PMFBP1: variants seen among roughly 807,000 people sequenced by gnomAD.
The protein encoded by PMFBP1 is polyamine-modulated factor 1-binding protein 1.
PMFBP1 carries 131 observed loss-of-function variants against 137.8 expected under a neutral mutation model. The observed-to-expected ratio is 0.95, with a 90% CI of 0.82 to 1.10. The LOEUF (loss-of-function observed/expected upper bound fraction) is 1.10. PMFBP1 is among the 50% of genes least tolerant of loss of function. The pLI, the probability that PMFBP1 is intolerant of heterozygous loss-of-function variation, is 0.00. For synonymous variants in PMFBP1, 490 were observed against 450.4 expected (o/e 1.09, Z -1.11); for missense variants, 1,199 against 1,175.4 (o/e 1.02, Z -0.29).
chr16:72,198,039 A>C, the PMFBP1 span, among the ~76,000 whole-genome samples: 1 of 152,064 alleles, frequency 6.6e-6, no homozygotes, highest in Non-Finnish European at 1.5e-5. Flanking sequence ...TTTGTTTTCT[A>C]TCCCTGAAAG....
chr16:72,238,303 C>T, the PMFBP1 span, among the ~76,000 whole-genome samples: 2 of 152,186 alleles, frequency 1.3e-5, no homozygotes, highest in African/African-American at 4.8e-5. Context: ...CACAACCTTG[C>T]CAGCATCTGT....
Position 72,122,954 on chromosome 16 carries a change from C to G in PMFBP1, c.2728G>C (p.Glu910Gln). The change falls in exon 19 of 21, where the codon GAG becomes CAG. Residue 910 changes from glutamate (E) to glutamine (Q), a missense_variant. By Grantham distance (29) the Glu-to-Gln change is conservative (BLOSUM62 2). Coordinates refer to ENST00000237353, the MANE Select transcript of PMFBP1 (RefSeq NM_031293.3). ...ANEKLGNQLREQVKYIAKLSG... is the reference protein window; with the variant it reads ...ANEKLGNQLRQQVKYIAKLSG... ...AGCTTGGCAATGTATTTCACCTGCTCTCGGAGCTGGTTTCCTAGTTTCTCA... is the reference window on the plus strand; with the variant it reads ...AGCTTGGCAATGTATTTCACCTGCTGTCGGAGCTGGTTTCCTAGTTTCTCA... The G allele has an allele frequency of 6.2e-7, 1 of 1,613,458 alleles. No individual in the cohort carries two copies. Among genetic ancestry groups the G allele is most frequent in the South Asian group, 1.1e-5 (1 of 91,054 alleles).
At chr16:72,242,732 T>C in the PMFBP1 span, among the ~76,000 whole-genome samples, 2 of 152,244 alleles carry the variant, frequency 1.3e-5, no homozygotes, top group Non-Finnish European at 2.9e-5. Context: ...AAATGCGTGA[T>C]GGATGAAAGG....
At chr16:72,249,208 T>A in the PMFBP1 span, among the ~76,000 whole-genome samples, 2 of 152,194 alleles carry the variant, frequency 1.3e-5, no homozygotes, top group Admixed American at 1.3e-4. Context: ...CATTTCAGTG[T>A]CTTCCAGCTG....
At chr16:72,213,057 G>C in the PMFBP1 span, among the ~76,000 whole-genome samples, 1 of 152,154 alleles carries the variant, frequency 6.6e-6, no homozygotes, top group Non-Finnish European at 1.5e-5. Context: ...GACAGCACTT[G>C]CTACAGATGT....
At chr16:72,199,619 A>G in the PMFBP1 span, among the ~76,000 whole-genome samples, 1 of 137,710 alleles carries the variant, frequency 7.3e-6, no homozygotes, top group African/African-American at 2.7e-5. Context: ...ATGCCATTGC[A>G]CTCCAGCCTG....
At chr16:72,232,291 A>G in the PMFBP1 span, among the ~76,000 whole-genome samples, 2 of 152,186 alleles carry the variant, frequency 1.3e-5, no homozygotes, top group Non-Finnish European at 1.5e-5. Flanking sequence ...TGAACAATAA[A>G]TATCTGTCAA....
Position 72,136,857 on chromosome 16 carries a change from GA to G in PMFBP1, c.919-39del, listed in dbSNP as rs770451302. Reference sequence around the variant, plus strand: ...AGAACAGGGCAGGATGAGGAGATGAGAGACAATGGAGAGTGCTTTCTAAAAT... The same window carrying G: ...AGAACAGGGCAGGATGAGGAGATGAGGACAATGGAGAGTGCTTTCTAAAAT... On this transcript the variant is annotated intron_variant, in intron 7 of 20. Coordinates refer to ENST00000237353, the MANE Select transcript of PMFBP1 (RefSeq NM_031293.3). 7.4e-6 allele frequency: 12 copies of G among 1,612,384 alleles called. No homozygotes were observed. The East Asian group carries it at 2.7e-4, about 36-fold the overall frequency.
the PMFBP1 span, among the ~76,000 whole-genome samples, chr16:72,236,426 A>C: frequency 6.6e-6 from 1 of 152,232 alleles, no homozygotes; most frequent in African/African-American, 2.4e-5. Context: ...GGAACTTGCT[A>C]GTTTGTAAGT....
chr16:72,217,577 T>C, the PMFBP1 span, among the ~76,000 whole-genome samples: 1 of 152,178 alleles, frequency 6.6e-6, no homozygotes, highest in African/African-American at 2.4e-5. Flanking sequence ...CTAGGCCAGG[T>C]ACAGTGGCTC....
At chr16:72,207,971 A>G in the PMFBP1 span, among the ~76,000 whole-genome samples, 2 of 152,162 alleles carry the variant, frequency 1.3e-5, no homozygotes, top group African/African-American at 4.8e-5. Context: ...GTACACATTT[A>G]AAGGTCAGAA....
At chr16:72,247,077 A>G in the PMFBP1 span, among the ~76,000 whole-genome samples, 10 of 152,328 alleles carry the variant, frequency 6.6e-5, no homozygotes, top group Admixed American at 3.3e-4. Context: ...GAAGAGGTAC[A>G]CAATTTCCCC....
the PMFBP1 span, among the ~76,000 whole-genome samples, chr16:72,185,367 T>TCC: frequency 1.3e-5 from 2 of 151,988 alleles, no homozygotes; most frequent in African/African-American, 4.8e-5. Context: ...TTCTTTACGT[T>TCC]TCCCGCCAGA....
chr16:72,164,132 A>G (rs1321608599), intron 3 of PMFBP1, among the ~76,000 whole-genome samples: 1 of 152,014 alleles, frequency 6.6e-6, no homozygotes, highest in African/African-American at 2.4e-5. Flanking sequence ...AGGTCCATGG[A>G]GGAAGTCTGT....
At chr16:72,188,027 G>T in the PMFBP1 span, among the ~76,000 whole-genome samples, 3 of 152,172 alleles carry the variant, frequency 2.0e-5, no homozygotes, top group African/African-American at 7.2e-5. Context: ...TTAGGCAAAT[G>T]CCAAATGTTT....
chr16:72,198,565 G>T, the PMFBP1 span, among the ~76,000 whole-genome samples: 2 of 152,084 alleles, frequency 1.3e-5, no homozygotes, highest in Admixed American at 6.5e-5. Flanking sequence ...CTCTGGCTCT[G>T]TCTGCTAATG....
intron 7 of PMFBP1, 77 bp from the exon 8 acceptor site, chr16:72,136,896 C>T (rs2042641180): frequency 1.3e-6 from 2 of 1,583,266 alleles, no homozygotes; most frequent in East Asian, 4.5e-5. Flanking sequence ...CCAGCATCCA[C>T]AGTCAACAGT....
At chr16:72,122,770 A>G in intron 19 of PMFBP1, 144 bp downstream of exon 19, 1 of 669,562 alleles carries the variant, frequency 1.5e-6, no homozygotes, top group Middle Eastern at 4.1e-4. Context: ...ACATAGATGC[A>G]GATTCGAGAC....
At chr16:72,163,948 A>C (rs1007878590) in intron 3 of PMFBP1, among the ~76,000 whole-genome samples, 1 of 152,058 alleles carries the variant, frequency 6.6e-6, no homozygotes. Context: ...GAGGGATAAA[A>C]GACTACAAAT....
Sources: allele counts gnomAD v4.1 joint callset (sites outside exome capture counted in the v4.1 genomes callset), GRCh38; gene constraint gnomAD v4.1.1; transcripts MANE v1.5; gene names NCBI Gene and HGNC (gene_info 2026-07-23, HGNC 2026-07-21).